Variants in ADGRA3 observed in about 807,000 individuals in gnomAD.
The protein encoded by ADGRA3 is adhesion G protein-coupled receptor A3.
Under a neutral mutation model 119.8 loss-of-function variants are expected in ADGRA3, and 56 were observed. The observed-to-expected ratio is 0.47, with a 90% CI of 0.38 to 0.58. The LOEUF (loss-of-function observed/expected upper bound fraction) is 0.58, where lower values mean the gene tolerates loss of function less well. ADGRA3 is among the 20% of genes least tolerant of loss of function. The probability of loss-of-function intolerance (pLI) is 0.00; values close to 1 mark genes in which losing one functional copy is unlikely to be tolerated. For missense variants in ADGRA3, 1,516 were observed against 1,649.0 expected (o/e 0.92, Z 1.40); for synonymous variants, 607 against 623.8 (o/e 0.97, Z 0.40).
intron 1 of ADGRA3, among the ~76,000 whole-genome samples, chr4:22,508,978 A>G (rs73114191): frequency 0.01 from 1,518 of 151,698 alleles, 23 homozygotes; most frequent in African/African-American, 0.031. Context: ...CACTGCCCTC[A>G]CGCCTGCCTT....
intron 5 of ADGRA3, among the ~76,000 whole-genome samples, chr4:22,445,337 C>T (rs984729720): frequency 2.6e-5 from 4 of 152,136 alleles, no homozygotes; most frequent in African/African-American, 9.7e-5. Context: ...TTGCTGATCC[C>T]GGGTTTCTGC....
chr4:22,466,023 CT>C (rs1185216473), intron 2 of ADGRA3, among the ~76,000 whole-genome samples: 1 of 152,184 alleles, frequency 6.6e-6, no homozygotes, highest in African/African-American at 2.4e-5. Context: ...AAGTTCTCAC[CT>C]GTGTCCGATT....
intron 12 of ADGRA3, among the ~76,000 whole-genome samples, chr4:22,419,295 A>C (rs985260087): frequency 1.3e-5 from 2 of 151,926 alleles, no homozygotes; most frequent in South Asian, 4.1e-4. Context: ...GCCCTAGTAT[A>C]AAATGTAAAA....
intron 1 of ADGRA3, among the ~76,000 whole-genome samples, chr4:22,503,308 A>G (rs1053591961): frequency 1.3e-5 from 2 of 152,244 alleles, no homozygotes; most frequent in African/African-American, 4.8e-5. Context: ...ACTGCCCTGG[A>G]GATGAATACA....
chr4:22,505,312 A>G (rs184707697), intron 1 of ADGRA3, among the ~76,000 whole-genome samples: 1 of 152,316 alleles, frequency 6.6e-6, no homozygotes, highest in African/African-American at 2.4e-5. Flanking sequence ...GGTTGTTCTT[A>G]AAACCGTCTT....
chr4:22,479,969 G>A (rs1718206372), intron 1 of ADGRA3, among the ~76,000 whole-genome samples: 1 of 152,044 alleles, frequency 6.6e-6, no homozygotes, highest in Admixed American at 6.5e-5. Context: ...CACAGGGAGG[G>A]GAACATAACA....
At chr4:22,466,920 A>G (rs1717679558) in intron 2 of ADGRA3, among the ~76,000 whole-genome samples, 2 of 152,314 alleles carry the variant, frequency 1.3e-5, no homozygotes, top group South Asian at 4.1e-4. Context: ...AGAATACACC[A>G]AGGCTAGGAG....
intron 14 of ADGRA3, among the ~76,000 whole-genome samples, chr4:22,412,753 T>G (rs7435129): frequency 1.3e-5 from 2 of 152,168 alleles, no homozygotes; most frequent in African/African-American, 4.8e-5. Context: ...ATTCTAAATT[T>G]AAATAGAGTC....
rs73802852 is a variant in ADGRA3, at chr4:22,507,284, C to T, written c.257+8244G>A. Among the ~76,000 whole-genome samples the T allele has an allele frequency of 2.5e-3, 378 of 152,152 alleles. 1 individual carries two copies. The highest frequency in any genetic ancestry group is 0.01 in the Middle Eastern group (3 of 294). ...AAATAAGCTACCAATACTCAAAGAA[C>T]TCTGTATTCTAATCTTTGTTTATAA... On this transcript the variant is annotated intron_variant, in intron 1 of 18. Transcript: ENST00000334304.
At chr4:22,392,142 A>C (rs1714157283) in intron 17 of ADGRA3, among the ~76,000 whole-genome samples, 1 of 152,250 alleles carries the variant, frequency 6.6e-6, no homozygotes, top group South Asian at 2.1e-4. Flanking sequence ...TAGGAAAAAC[A>C]CACAAGTCTT....
chr4:22,478,718 A>G (rs1464621197), intron 1 of ADGRA3, among the ~76,000 whole-genome samples: 1 of 152,190 alleles, frequency 6.6e-6, no homozygotes, highest in East Asian at 1.9e-4. Flanking sequence ...TAGGCCCTAA[A>G]TCCAATGCAA....
chr4:22,435,744 C>T (rs988655269), intron 9 of ADGRA3, among the ~76,000 whole-genome samples: 2 of 152,140 alleles, frequency 1.3e-5, no homozygotes, highest in Non-Finnish European at 2.9e-5. Context: ...CTCTGCCTAT[C>T]CAAATTCTAC....
Position 22,424,315 on chromosome 4 carries a change from A to G in ADGRA3, c.1481T>C (p.Met494Thr). Reference protein sequence around the residue: ...DVMVDIASNIMLADERVLWLA... With the variant: ...DVMVDIASNITLADERVLWLA... Reference sequence around the variant, plus strand: ...CCACAGGACACGTTCATCAGCCAACATGATGTTACTTGCAATGTCAACCAT... The same window carrying G: ...CCACAGGACACGTTCATCAGCCAACGTGATGTTACTTGCAATGTCAACCAT... Residue 494 changes from methionine to threonine, a missense_variant, in exon 11 of 19, where the codon ATG (methionine) becomes ACG (threonine). Coordinates refer to ENST00000334304, the MANE Select transcript of ADGRA3 (RefSeq NM_145290.4). 1 of 1,613,904 alleles carries G rather than the reference A, an allele frequency of 6.2e-7. No individual in the cohort carries two copies. Among genetic ancestry groups the G allele is most frequent in the Non-Finnish European group, 8.5e-7 (1 of 1,179,842 alleles).
chr4:22,476,867 A>C (rs1718064002), intron 1 of ADGRA3, among the ~76,000 whole-genome samples: 1 of 152,054 alleles, frequency 6.6e-6, no homozygotes, highest in African/African-American at 2.4e-5. Context: ...GGGTTTCACC[A>C]TGATGGCCAG....
chr4:22,515,845 G>T lies in ADGRA3; in HGVS notation c.-61C>A. The T allele has an allele frequency of 1.0e-6, 1 of 978,056 alleles. No homozygotes were observed. Among genetic ancestry groups the T allele is most frequent in the South Asian group, 4.6e-5 (1 of 21,544 alleles). The allele number at this position is 978,056 out of a possible 1,614,324, so 60.6% of individuals were successfully genotyped here. A position where few individuals can be genotyped will look rare whatever the true frequency, so the allele number is the denominator to read the frequency against. On this transcript the variant is annotated 5_prime_UTR_variant, in exon 1 of 19. Coordinates refer to ENST00000334304, the MANE Select transcript of ADGRA3 (RefSeq NM_145290.4). ...CACTGGCCTAGCGGGCCGCCCCGGA[G>T]CCCGGGCGGGCAGGAGCGCGGCGCG...
intron 1 of ADGRA3, among the ~76,000 whole-genome samples, chr4:22,492,107 T>G (rs544848162): frequency 6.6e-6 from 1 of 152,296 alleles, no homozygotes; most frequent in East Asian, 1.9e-4. Context: ...CTGCCCATGT[T>G]ACAGCACCAC....
rs751453660 is a variant in ADGRA3, at chr4:22,438,373, C to T, written c.968G>A (p.Gly323Asp). 8 of 1,613,610 alleles carry T rather than the reference C, an allele frequency of 5.0e-6. No homozygotes were observed. Among genetic ancestry groups the T allele is most frequent in the African/African-American group, 1.3e-5 (1 of 74,894 alleles). Residue 323 changes from glycine (G) to aspartate (D), a missense_variant, in exon 8 of 19, where the codon GGC becomes GAC. By Grantham distance (94) the Gly-to-Asp change is moderately conservative. Transcript: ENST00000334304. ...CCCACGTTTGGTCTGGACATGACAGCCCCAATTTCCAGTAGATCCAGCCTG... is the reference window on the plus strand; with the variant it reads ...CCCACGTTTGGTCTGGACATGACAGTCCCAATTTCCAGTAGATCCAGCCTG... ...NIQAGSTGNW[G>D]CHVQTKRGNN...
At chr4:22,446,905 G>A (rs1716851459) in intron 5 of ADGRA3, among the ~76,000 whole-genome samples, 2 of 142,378 alleles carry the variant, frequency 1.4e-5, no homozygotes, top group South Asian at 4.2e-4. Flanking sequence ...AACAAAACTG[G>A]GGGAAAAAAA....
At chr4:22,450,488 A>ACTCCTGAC (rs1196348783) in intron 4 of ADGRA3, among the ~76,000 whole-genome samples, 2 of 151,720 alleles carry the variant, frequency 1.3e-5, no homozygotes, top group Non-Finnish European at 2.9e-5. Flanking sequence ...CTGGTCTCGA[A>ACTCCTGAC]CTCCTGACCT....
Sources: allele counts gnomAD v4.1 joint callset (sites outside exome capture counted in the v4.1 genomes callset), GRCh38; gene constraint gnomAD v4.1.1; transcripts MANE v1.5; gene names NCBI Gene and HGNC (gene_info 2026-07-23, HGNC 2026-07-21).